Variants in FSTL5 observed in about 807,000 individuals in gnomAD.
FSTL5 encodes the protein follistatin-related protein 5.
FSTL5 carries 62 observed loss-of-function variants against 89.1 expected under a neutral mutation model. That is an observed-to-expected ratio of 0.70 (90% CI 0.57 to 0.86). The LOEUF (loss-of-function observed/expected upper bound fraction) is 0.86. Among genes scored for constraint, FSTL5 ranks in the 40% least tolerant of loss-of-function variants. The pLI is 0.00. For synonymous variants in FSTL5, 383 were observed against 346.2 expected (o/e 1.11, Z -1.18); for missense variants, 1,057 against 1,001.6 (o/e 1.06, Z -0.75).
chr4:161,952,736 A>G (rs1734931864), intron 3 of FSTL5, among the ~76,000 whole-genome samples: 1 of 151,948 alleles, frequency 6.6e-6, no homozygotes, highest in Admixed American at 6.6e-5. Context: ...GGAGAATAAA[A>G]TAATGATTCG....
At chr4:161,515,921 A>G (rs1202814800) in intron 10 of FSTL5, among the ~76,000 whole-genome samples, 1 of 151,752 alleles carries the variant, frequency 6.6e-6, no homozygotes, top group African/African-American at 2.4e-5. Context: ...AACATTTGAT[A>G]TATGTCAGGT....
intron 1 of FSTL5, among the ~76,000 whole-genome samples, chr4:162,145,257 G>T (rs1424377094): frequency 2.6e-5 from 4 of 151,900 alleles, no homozygotes; most frequent in Admixed American, 2.6e-4. Context: ...ATCTCAACAT[G>T]ATGAGCTTTA....
intron 4 of FSTL5, among the ~76,000 whole-genome samples, chr4:161,886,632 A>T (rs1050857315): frequency 1.1e-4 from 16 of 152,234 alleles, no homozygotes; most frequent in African/African-American, 2.9e-4. Context: ...AGAGTAGACA[A>T]CAGCAACGGA....
intron 4 of FSTL5, among the ~76,000 whole-genome samples, chr4:161,783,504 C>G (rs1560843281): frequency 6.7e-6 from 1 of 150,110 alleles, no homozygotes; most frequent in East Asian, 2.0e-4. Flanking sequence ...TTTCTTTTTT[C>G]TTTCAGTGCA....
intron 6 of FSTL5, among the ~76,000 whole-genome samples, chr4:161,707,465 T>C (rs1738621402): frequency 6.6e-6 from 1 of 151,930 alleles, no homozygotes; most frequent in South Asian, 2.1e-4. Flanking sequence ...TCATATATTA[T>C]GCTACAAATG....
Position 162,028,838 on chromosome 4 carries a change from A to C in FSTL5, c.160+4787T>G, listed in dbSNP as rs1297603316. Among the ~76,000 whole-genome samples, 5 of 152,278 alleles carry C rather than the reference A, an allele frequency of 3.3e-5. No homozygotes were observed. In the East Asian group the frequency reaches 9.7e-4, roughly 29 times the overall value. ...ATGGCTTTCAGTACTAAGAATCTGA[A>C]GGCCCATTTCTATCTATTCACCATT... is the stretch of plus-strand genomic sequence containing the variant. On this transcript the variant is annotated intron_variant, in intron 3 of 15. Coordinates refer to ENST00000306100, the MANE Select transcript of FSTL5 (RefSeq NM_020116.5).
chr4:161,958,301 C>T (rs1249717355), intron 3 of FSTL5, among the ~76,000 whole-genome samples: 1 of 151,976 alleles, frequency 6.6e-6, no homozygotes, highest in Non-Finnish European at 1.5e-5. Flanking sequence ...TCTATCATTG[C>T]TGTCATGTCT....
intron 12 of FSTL5, among the ~76,000 whole-genome samples, chr4:161,486,821 T>G (rs1418085580): frequency 6.6e-6 from 1 of 152,218 alleles, no homozygotes; most frequent in Non-Finnish European, 1.5e-5. Flanking sequence ...TTAATACATT[T>G]TGGTATGAAT....
At chr4:161,740,123 G>T (rs1332294468) in intron 6 of FSTL5, among the ~76,000 whole-genome samples, 2 of 151,840 alleles carry the variant, frequency 1.3e-5, no homozygotes, top group African/African-American at 2.4e-5. Flanking sequence ...GGGTTCAAGC[G>T]ATTTTCCTGC....
chr4:161,519,027 C>T (rs1452940768), intron 10 of FSTL5, among the ~76,000 whole-genome samples: 1 of 152,196 alleles, frequency 6.6e-6, no homozygotes, highest in Non-Finnish European at 1.5e-5. Flanking sequence ...AGTGTCCTCA[C>T]ATTGTGTCAA....
intron 7 of FSTL5, among the ~76,000 whole-genome samples, chr4:161,643,439 T>C (rs1218071520): frequency 6.6e-6 from 1 of 151,940 alleles, no homozygotes; most frequent in East Asian, 1.9e-4. Flanking sequence ...GTTTCTGAAA[T>C]TATTTTATAT....
intron 5 of FSTL5, among the ~76,000 whole-genome samples, chr4:161,768,486 T>C (rs1305577399): frequency 1.3e-5 from 2 of 152,104 alleles, no homozygotes; most frequent in East Asian, 3.9e-4. Flanking sequence ...TTATCCATTA[T>C]ATCTAGGGTG....
At chr4:162,137,571 C>A (rs961734157) in intron 1 of FSTL5, among the ~76,000 whole-genome samples, 4 of 151,918 alleles carry the variant, frequency 2.6e-5, no homozygotes. Context: ...CTTTTTTGCC[C>A]GAATGACTAG....
At chr4:161,533,075 C>T (rs1023097267) in intron 10 of FSTL5, among the ~76,000 whole-genome samples, 1 of 150,298 alleles carries the variant, frequency 6.7e-6, no homozygotes, top group Non-Finnish European at 1.5e-5. Flanking sequence ...GCTGCTTAAG[C>T]AGTGTTAAGA....
intron 1 of FSTL5, among the ~76,000 whole-genome samples, chr4:162,132,236 C>T (rs548058765): frequency 6.6e-6 from 1 of 152,222 alleles, no homozygotes; most frequent in African/African-American, 2.4e-5. Context: ...TATATAAGTA[C>T]CCTCATTTAT....
intron 15 of FSTL5, among the ~76,000 whole-genome samples, chr4:161,413,305 G>C: frequency 1.3e-5 from 1 of 78,762 alleles, no homozygotes; most frequent in African/African-American, 4.9e-5. Context: ...AAGTGGCCAA[G>C]AAGCATATGA....
At chr4:162,000,035 G>GAT (rs1212625162) in intron 3 of FSTL5, among the ~76,000 whole-genome samples, 2 of 152,108 alleles carry the variant, frequency 1.3e-5, no homozygotes, top group East Asian at 3.9e-4. Context: ...GGCCTAATCT[G>GAT]ATATATTGGA....
chr4:162,060,935 T>A (rs931117224), intron 2 of FSTL5, among the ~76,000 whole-genome samples: 8 of 152,084 alleles, frequency 5.3e-5, no homozygotes, highest in Non-Finnish European at 1.2e-4. Context: ...TTTCTCAAAA[T>A]CAAAATTATG....
At chr4:161,695,299 C>A (rs910549178) in intron 6 of FSTL5, among the ~76,000 whole-genome samples, 1 of 152,020 alleles carries the variant, frequency 6.6e-6, no homozygotes, top group Non-Finnish European at 1.5e-5. Context: ...TGAGTAAGAA[C>A]ATACGATGTT....
Sources: allele counts gnomAD v4.1 joint callset (sites outside exome capture counted in the v4.1 genomes callset), GRCh38; gene constraint gnomAD v4.1.1; transcripts MANE v1.5; gene names NCBI Gene and HGNC (gene_info 2026-07-23, HGNC 2026-07-21).